The following PCDH9 variants were observed in gnomAD, a reference collection of about 807,000 sequenced individuals.
The protein encoded by PCDH9 is protocadherin 9, also known as protocadherin-9.
A neutral mutation model predicts 70.6 loss-of-function variants in PCDH9; 24 were observed. That is an observed-to-expected ratio of 0.34 (90% CI 0.25 to 0.48). The LOEUF (loss-of-function observed/expected upper bound fraction) is 0.48, where lower values mean the gene tolerates loss of function less well. PCDH9 is among the 20% of genes least tolerant of loss of function. PCDH9 has a pLI of 0.99. For missense variants in PCDH9, 1,281 were observed against 1,503.6 expected (o/e 0.85, Z 2.45); for synonymous variants, 562 against 558.5 (o/e 1.01, Z -0.09).
At chr13:66,919,956 GT>G (rs1388730029) in intron 2 of PCDH9, among the ~76,000 whole-genome samples, 1 of 150,582 alleles carries the variant, frequency 6.6e-6, no homozygotes, top group East Asian at 1.9e-4. Context: ...TTAGGGTAAT[GT>G]TTTTTTTAAC....
At chr13:66,500,208 A>T (rs1271994384) in intron 4 of PCDH9, among the ~76,000 whole-genome samples, 1 of 152,190 alleles carries the variant, frequency 6.6e-6, no homozygotes, top group East Asian at 1.9e-4. Flanking sequence ...AATAATTCTT[A>T]TTTATAATTG....
chr13:66,329,803 G>T (rs993520128), intron 4 of PCDH9, among the ~76,000 whole-genome samples: 7 of 152,030 alleles, frequency 4.6e-5, no homozygotes, highest in African/African-American at 1.7e-4. Flanking sequence ...TATAAAAATA[G>T]GCCTTTCTAA....
intron 2 of PCDH9, among the ~76,000 whole-genome samples, chr13:67,090,699 A>C (rs1365912993): frequency 6.6e-6 from 1 of 152,064 alleles, no homozygotes; most frequent in Non-Finnish European, 1.5e-5. Context: ...ATCATTAAGC[A>C]TATCAGAAAA....
Position 66,768,393 on chromosome 13 carries a change from T to G in PCDH9, c.3138+135111A>C, listed in dbSNP as rs76160767. ...AATCCAGTTCTCATGAAGCCTGATT[T>G]CCTAAACTACTATAATGTCAATAAA... is the stretch of plus-strand genomic sequence containing the variant. On this transcript the variant is annotated intron_variant, in intron 3 of 4. Transcript: ENST00000377865. 1.8e-4 allele frequency among the ~76,000 whole-genome samples: 27 copies of G among 152,202 alleles called. No individual in the cohort carries two copies. The East Asian group carries it at 2.7e-3, about 15-fold the overall frequency.
chr13:66,773,766 A>G (rs2079847063), intron 3 of PCDH9, among the ~76,000 whole-genome samples: 1 of 151,750 alleles, frequency 6.6e-6, no homozygotes, highest in African/African-American at 2.4e-5. Flanking sequence ...TCCCTGGACC[A>G]ATTTTTGTAA....
At chr13:66,327,350 C>T (rs747960589) in intron 4 of PCDH9, among the ~76,000 whole-genome samples, 6 of 152,168 alleles carry the variant, frequency 3.9e-5, no homozygotes, top group African/African-American at 9.7e-5. Flanking sequence ...CTGCTACTCT[C>T]TCAAAATGTA....
At chr13:66,715,419 A>G (rs2078855318) in intron 3 of PCDH9, among the ~76,000 whole-genome samples, 1 of 152,160 alleles carries the variant, frequency 6.6e-6, no homozygotes, top group Non-Finnish European at 1.5e-5. Flanking sequence ...AAATGATGCA[A>G]TTAATAAGAA....
chr13:66,665,448 C>T (rs1247367632), intron 3 of PCDH9, among the ~76,000 whole-genome samples: 1 of 152,094 alleles, frequency 6.6e-6, no homozygotes, highest in Non-Finnish European at 1.5e-5. Flanking sequence ...CAATCCTATG[C>T]GTTTTCCCTT....
chr13:66,647,316 A>C (rs2077785031), intron 3 of PCDH9, among the ~76,000 whole-genome samples: 1 of 152,116 alleles, frequency 6.6e-6, no homozygotes, highest in Non-Finnish European at 1.5e-5. Context: ...AGGAGAGGGA[A>C]GAGTAAACAG....
intron 4 of PCDH9, among the ~76,000 whole-genome samples, chr13:66,590,882 A>G (rs34435270): frequency 6.6e-6 from 1 of 151,810 alleles, no homozygotes; most frequent in African/African-American, 2.4e-5. Flanking sequence ...TAAATATATA[A>G]CAATAGCATA....
At chr13:67,069,102 C>T (rs1382445597) in intron 2 of PCDH9, among the ~76,000 whole-genome samples, 2 of 152,156 alleles carry the variant, frequency 1.3e-5, no homozygotes, top group Non-Finnish European at 2.9e-5. Flanking sequence ...AATAAAACTA[C>T]TTGCCTCACA....
chr13:66,741,301 C>T (rs1191444339), intron 3 of PCDH9, among the ~76,000 whole-genome samples: 2 of 12,676 alleles, frequency 1.6e-4, no homozygotes, highest in Non-Finnish European at 0.013. Context: ...ACCCTTCATG[C>T]TAAAAACTCT....
chr13:66,818,930 G>A (rs1264907118), intron 3 of PCDH9, among the ~76,000 whole-genome samples: 1 of 84,986 alleles, frequency 1.2e-5, no homozygotes, highest in Non-Finnish European at 2.4e-5. Context: ...CTAGACTCCC[G>A]TCTCAAAAAA....
At chr13:66,622,605 T>C (rs1321968374) in intron 4 of PCDH9, among the ~76,000 whole-genome samples, 4 of 152,188 alleles carry the variant, frequency 2.6e-5, no homozygotes, top group Admixed American at 2.6e-4. Context: ...ACCTTTTGTG[T>C]GGACACTCTG....
rs61959405 is a variant in PCDH9 at position 67,115,621 on chromosome 13, C to G, written c.3036+109784G>C. Among the ~76,000 whole-genome samples, 305 of 152,214 alleles carry G rather than the reference C, an allele frequency of 2.0e-3. 1 individual carries two copies. Among genetic ancestry groups the G allele is most frequent in the Non-Finnish European group, 3.4e-3 (232 of 68,022 alleles). On this transcript the variant is annotated intron_variant, in intron 2 of 4. Coordinates refer to ENST00000377865, the MANE Select transcript of PCDH9 (RefSeq NM_203487.3). ...ATATAGTTAGTAATGCAAATAATTT[C>G]TATTCATAAAAATGCAAATGTCTCC...
At chr13:66,849,583 G>A (rs2081281952) in intron 3 of PCDH9, among the ~76,000 whole-genome samples, 2 of 148,700 alleles carry the variant, frequency 1.3e-5, no homozygotes, top group South Asian at 4.3e-4. Flanking sequence ...TAAGGCATGA[G>A]TGGGATGGGA....
At chr13:67,202,321 A>C (rs1158853067) in intron 2 of PCDH9, 1 of 152,140 alleles carries the variant, frequency 6.6e-6, no homozygotes, top group African/African-American at 2.4e-5. Context: ...ATAGAATTAC[A>C]TATTATTATT....
chr13:67,009,039 T>C (rs1298483601), intron 2 of PCDH9, among the ~76,000 whole-genome samples: 1 of 152,122 alleles, frequency 6.6e-6, no homozygotes, highest in Non-Finnish European at 1.5e-5. Flanking sequence ...TTTTTATATT[T>C]TTTTATTTAT....
At chr13:67,180,261 C>T (rs1421683688) in intron 2 of PCDH9, among the ~76,000 whole-genome samples, 1 of 152,100 alleles carries the variant, frequency 6.6e-6, no homozygotes, top group Non-Finnish European at 1.5e-5. Context: ...AATAGACTGG[C>T]TGCAGAGCTT....
Sources: allele counts gnomAD v4.1 joint callset (sites outside exome capture counted in the v4.1 genomes callset), GRCh38; gene constraint gnomAD v4.1.1; transcripts MANE v1.5; gene names NCBI Gene and HGNC (gene_info 2026-07-23, HGNC 2026-07-21).